The following PCBP3 variants were observed in gnomAD, a reference collection of about 807,000 sequenced individuals.
PCBP3 encodes the protein poly(rC) binding protein 3, also known as poly(rC)-binding protein 3.
PCBP3 carries 25 observed loss-of-function variants against 52.7 expected under a neutral mutation model. The observed-to-expected ratio is 0.47, with a 90% confidence interval of 0.35 to 0.66. The LOEUF is 0.66. Among genes scored for constraint, PCBP3 ranks in the 30% least tolerant of loss-of-function variants. The pLI, the probability that PCBP3 is intolerant of heterozygous loss-of-function variation, is 0.01. For synonymous variants in PCBP3, 162 were observed against 183.0 expected, an observed-to-expected ratio of 0.89 and a Z score of 0.93; for missense variants, 391 against 490.3, an observed-to-expected ratio of 0.80 and a Z score of 1.91.
chr21:45,931,492 C>G (rs747052591), intron 15 of PCBP3, among the ~76,000 whole-genome samples: 2 of 152,224 alleles, frequency 1.3e-5, no homozygotes, highest in African/African-American at 2.4e-5. Flanking sequence ...GGGTGGGCAG[C>G]GATGGGAGGT....
At chr21:45,940,306 C>T (rs2077320563) in intron 17 of PCBP3, 107 bp downstream of exon 17, 2 of 899,890 alleles carry the variant, frequency 2.2e-6, no homozygotes, top group Admixed American at 2.5e-5. Context: ...GTCTGGGCCA[C>T]ACTCTGCCTC....
intron 15 of PCBP3, among the ~76,000 whole-genome samples, chr21:45,932,581 G>C (rs915336877): frequency 6.6e-6 from 1 of 151,438 alleles, no homozygotes; most frequent in Non-Finnish European, 1.5e-5. Context: ...TGAGATGAAC[G>C]AACACCTGGG....
intron 3 of PCBP3, chr21:45,749,679 C>G (rs932389110): frequency 6.6e-6 from 1 of 152,156 alleles, no homozygotes; most frequent in Non-Finnish European, 1.5e-5. Context: ...ACAGAGAGCA[C>G]GTGGATGCTG....
At chr21:45,725,300 G>GT (rs1018665111) in intron 2 of PCBP3, among the ~76,000 whole-genome samples, 13 of 151,880 alleles carry the variant, frequency 8.6e-5, no homozygotes, top group Non-Finnish European at 1.8e-4. Flanking sequence ...TCTGATGGTG[G>GT]TTTTTTTTCT....
intron 2 of PCBP3, among the ~76,000 whole-genome samples, chr21:45,717,930 G>A (rs2084337166): frequency 6.6e-6 from 1 of 152,116 alleles, no homozygotes; most frequent in South Asian, 2.1e-4. Context: ...TAAATGTTTG[G>A]CAGAATACGG....
At chr21:45,916,250 G>A (rs1233477810) in intron 12 of PCBP3, 1 of 152,300 alleles carries the variant, frequency 6.6e-6, no homozygotes, top group Admixed American at 6.5e-5. Context: ...GCGGCTCCCA[G>A]CATGAGTTCC....
intron 5 of PCBP3, among the ~76,000 whole-genome samples, chr21:45,877,891 C>G (rs1248035887): frequency 6.6e-6 from 1 of 152,246 alleles, no homozygotes; most frequent in Admixed American, 6.5e-5. Context: ...GACTTCTGCA[C>G]AGAGTGCTGG....
At chr21:45,842,266 G>T (rs1019370629) in intron 4 of PCBP3, among the ~76,000 whole-genome samples, 2 of 152,306 alleles carry the variant, frequency 1.3e-5, no homozygotes, top group African/African-American at 4.8e-5. Context: ...CTACAAGTAC[G>T]ATTTGGAGTT....
intron 4 of PCBP3, among the ~76,000 whole-genome samples, chr21:45,806,712 A>G (rs1281975514): frequency 6.6e-6 from 1 of 152,052 alleles, no homozygotes; most frequent in Non-Finnish European, 1.5e-5. Flanking sequence ...CCAAAGGGCC[A>G]GGGACCCAGG....
intron 2 of PCBP3, among the ~76,000 whole-genome samples, chr21:45,673,340 CT>C (rs987344471): frequency 6.6e-6 from 1 of 152,054 alleles, no homozygotes; most frequent in South Asian, 2.1e-4. Flanking sequence ...GGCAGTTCAT[CT>C]TTTTTGTTTT....
intron 3 of PCBP3, among the ~76,000 whole-genome samples, chr21:45,754,566 G>A (rs911338950): frequency 4.2e-4 from 64 of 152,218 alleles, no homozygotes; most frequent in African/African-American, 1.4e-3. Flanking sequence ...GAAAATATTC[G>A]TGAGTTTTAA....
At chr21:45,708,635 A>T (rs1400933374) in intron 2 of PCBP3, among the ~76,000 whole-genome samples, 1 of 152,230 alleles carries the variant, frequency 6.6e-6, no homozygotes, top group Non-Finnish European at 1.5e-5. Flanking sequence ...GAAAAAGAAA[A>T]GCTAGCAACC....
In PCBP3 at chr21:45,853,372, C is replaced by T. The variant is rs1254796421; in HGVS notation, c.10+3277C>T. 6.6e-6 allele frequency among the ~76,000 whole-genome samples: 1 copy of T among 152,150 alleles called. No individual in the cohort carries two copies. The highest frequency in any genetic ancestry group is 2.1e-4 in the South Asian group (1 of 4,826). On this transcript the variant is annotated intron_variant, in intron 5 of 17. Transcript: ENST00000681687. This position sits in a 1 kb window ranked among gnomAD's most constrained non-coding sequence, Gnocchi z 4.6. ...GCTGGCGTTACTGGTGGAGGGTGTC[C>T]AGGTTCTTGGCGTTTTGAAAAAATA... is the stretch of plus-strand genomic sequence containing the variant.
At chr21:45,906,197 A>G (rs558908335) in intron 9 of PCBP3, among the ~76,000 whole-genome samples, 12 of 152,276 alleles carry the variant, frequency 7.9e-5, no homozygotes, top group African/African-American at 2.9e-4. Context: ...CAGCGTGAAC[A>G]CCCACCACCA....
rs2091306996 is a variant in PCBP3 at position 45,788,418 on chromosome 21, C to T, written c.-126+32966C>T. The T allele has an allele frequency of 6.5e-6, 1 of 153,374 alleles. No homozygotes were observed. Among genetic ancestry groups the T allele is most frequent in the Non-Finnish European group, 1.5e-5 (1 of 68,894 alleles). The allele number at this position is 153,374 out of a possible 1,614,324, so 9.5% of individuals were successfully genotyped here. A position where few individuals can be genotyped will look rare whatever the true frequency, so the allele number is the denominator to read the frequency against. On this transcript the variant is annotated intron_variant, in intron 4 of 17. Transcript: ENST00000681687. This position sits in a 1 kb window ranked among gnomAD's most constrained non-coding sequence, Gnocchi z 4.3. ...CCTGCTGGTGACCTGCCTGCCCGGC[C>T]CCGTTCTGTTCCAGATGATGGCTCA...
intron 7 of PCBP3, 59 bp from the exon 8 acceptor site, chr21:45,900,532 C>T (rs1419617145): frequency 1.9e-5 from 27 of 1,389,756 alleles, no homozygotes; most frequent in Middle Eastern, 1.8e-4. Context: ...CACCATGGGC[C>T]GCGCCGTCCT....
chr21:45,900,660 C>A, intron 8 of PCBP3, 37 bp downstream of exon 8: 1 of 1,111,162 alleles, frequency 9.0e-7, no homozygotes, highest in Non-Finnish European at 1.4e-6. Flanking sequence ...CGCAGCCATT[C>A]CCGGGTGGGC....
At chr21:45,771,029 A>G (rs543573916) in intron 4 of PCBP3, among the ~76,000 whole-genome samples, 2 of 152,234 alleles carry the variant, frequency 1.3e-5, no homozygotes, top group Non-Finnish European at 2.9e-5. Flanking sequence ...GAGTGTAAAC[A>G]TGTGTGCCTG....
intron 9 of PCBP3, among the ~76,000 whole-genome samples, chr21:45,903,401 T>G (rs546527565): frequency 6.6e-6 from 1 of 152,186 alleles, no homozygotes; most frequent in Non-Finnish European, 1.5e-5. Flanking sequence ...ACAGGCAATT[T>G]GTTTAGAGTC....
Sources: allele counts gnomAD v4.1 joint callset (sites outside exome capture counted in the v4.1 genomes callset), GRCh38; gene constraint gnomAD v4.1.1; non-coding constraint Gnocchi (gnomAD v3.1); transcripts MANE v1.5; gene names NCBI Gene and HGNC (gene_info 2026-07-23, HGNC 2026-07-21).